Variants in TFF3 observed in about 807,000 individuals in gnomAD.
The protein encoded by TFF3 is polypeptide P1.B.
A neutral mutation model predicts 9.7 loss-of-function variants in TFF3; 6 were observed. The ratio of observed to expected loss-of-function variants is 0.62; its 90% confidence interval spans 0.34 to 1.22. TFF3 has a LOEUF of 1.22. TFF3 is among the 50% of genes most tolerant of loss of function. The probability of loss-of-function intolerance (pLI) is 0.04; values close to 1 mark genes in which losing one functional copy is unlikely to be tolerated. For synonymous variants in TFF3, 48 were observed against 41.4 expected (o/e 1.16, Z -0.61); for missense variants, 93 against 98.6 (o/e 0.94, Z 0.24).
In TFF3 at chr21:42,313,436, C is replaced by T. The variant is rs774302924; in HGVS notation, c.229+49G>A. The T allele has an allele frequency of 1.5e-5, 24 of 1,559,612 alleles. No homozygotes were observed. The East Asian group carries it at 5.4e-4, about 35-fold the overall frequency. ...GAAAGGACAGGGAGGCCCTGAGACC[C>T]CCTGCCTTATGGGGCTGGGCCCAGA... On this transcript the variant is annotated intron_variant, in intron 2 of 2. Coordinates refer to ENST00000518498, the MANE Select transcript of TFF3 (RefSeq NM_003226.4). This position sits in a 1 kb window ranked among gnomAD's most constrained non-coding sequence, Gnocchi z 4.0.
In TFF3 at chr21:42,313,472, A is replaced by C. The variant is rs1021026070; in HGVS notation, c.229+13T>G. 1 of 1,602,912 alleles carries C rather than the reference A, an allele frequency of 6.2e-7. No homozygotes were observed. The highest frequency in any genetic ancestry group is 1.3e-5 in the African/African-American group (1 of 74,370). ...GGGGCTGGGCCCAGACCACGATGCCACTGGGGCCTTACCTGCTTCCTGCAG... is the reference window on the plus strand; with the variant it reads ...GGGGCTGGGCCCAGACCACGATGCCCCTGGGGCCTTACCTGCTTCCTGCAG... On this transcript the variant is annotated intron_variant, in intron 2 of 2. Transcript: ENST00000518498. This position sits in a 1 kb window ranked among gnomAD's most constrained non-coding sequence, Gnocchi z 4.0.
Position 42,313,181 on chromosome 21 carries a change from C to T in TFF3, c.229+304G>A, listed in dbSNP as rs868069001. Among the ~76,000 whole-genome samples, 16 of 152,332 alleles carry T rather than the reference C, an allele frequency of 1.1e-4. No individual in the cohort carries two copies. The highest frequency in any genetic ancestry group is 6.2e-4 in the South Asian group (3 of 4,832). ...CAAAAGTCGGCCCGGCTTTCCACACCTATGCGTTTCCACTTCTCTCAAGAA... is the reference window on the plus strand; with the variant it reads ...CAAAAGTCGGCCCGGCTTTCCACACTTATGCGTTTCCACTTCTCTCAAGAA... On this transcript the variant is annotated intron_variant, in intron 2 of 2. Transcript: ENST00000518498. The surrounding 1 kb of genome is among the most constrained non-coding windows in gnomAD (Gnocchi z 4.0).
chr21:42,313,704 C>T lies in TFF3; in HGVS notation c.83-73G>A, dbSNP rs1569250885. ...CGGTGAGTGTGTTTGCTTCACTTTG[C>T]AAGTTTGCATCCTCCCGCTCCGCCC... On this transcript the variant is annotated intron_variant, in intron 1 of 2. Coordinates refer to ENST00000518498, the MANE Select transcript of TFF3 (RefSeq NM_003226.4). This position sits in a 1 kb window ranked among gnomAD's most constrained non-coding sequence, Gnocchi z 4.0. 2 of 1,510,604 alleles carry T rather than the reference C, an allele frequency of 1.3e-6. No homozygotes were observed. The highest frequency in any genetic ancestry group is 5.1e-5 in the East Asian group (2 of 39,216). 93.6% of individuals were successfully genotyped at this position (1,510,604 alleles called of 1,614,324 possible).
intron 1 of TFF3, among the ~76,000 whole-genome samples, chr21:42,314,163 A>T (rs952072323): frequency 1.3e-5 from 2 of 152,118 alleles, no homozygotes; most frequent in African/African-American, 4.8e-5. Flanking sequence ...CAATATTTTC[A>T]TGTTTCAGGC....
chr21:42,313,616 G>A lies in TFF3; in HGVS notation c.98C>T (p.Ala33Val), dbSNP rs753468919. The part of the protein sequence containing the change: ...EYVGLSANQC[A>V]VPAKDRVDCG... ...GTCCACCCTGTCCTTGGCTGGCACG[G>A]CACACTGGTTTGCAGCTGTCCCAGA... The change falls in exon 2 of 3, where the codon GCC becomes GTC. Residue 33 changes from alanine (A) to valine (V), a missense_variant. Coordinates refer to ENST00000518498, the MANE Select transcript of TFF3 (RefSeq NM_003226.4). This position sits in a 1 kb window ranked among gnomAD's most constrained non-coding sequence, Gnocchi z 4.0. The A allele has an allele frequency of 9.9e-6, 16 of 1,609,526 alleles. No individual in the cohort carries two copies. Among genetic ancestry groups the A allele is most frequent in the East Asian group, 2.2e-5 (1 of 44,658 alleles).
rs371207909 is a variant in TFF3 at position 42,312,352 on chromosome 21, G to T, written c.230-83C>A. 51 of 1,500,382 alleles carry T rather than the reference G, an allele frequency of 3.4e-5. 1 individual carries two copies. The highest frequency in any genetic ancestry group is 4.4e-5 in the Non-Finnish European group (49 of 1,119,858). The allele number at this position is 1,500,382 out of a possible 1,614,324, so 92.9% of individuals were successfully genotyped here. On this transcript the variant is annotated intron_variant, in intron 2 of 2. Coordinates refer to ENST00000518498, the MANE Select transcript of TFF3 (RefSeq NM_003226.4). Reference sequence around the variant, plus strand: ...TCCCAAGGTCAGGGCAGGCTCCAAGGCCAGCACCTAGTGCTGCCTCCTCCC... The same window carrying T: ...TCCCAAGGTCAGGGCAGGCTCCAAGTCCAGCACCTAGTGCTGCCTCCTCCC...
chr21:42,314,230 G>C (rs1247536617), intron 1 of TFF3, among the ~76,000 whole-genome samples: 1 of 152,218 alleles, frequency 6.6e-6, no homozygotes, highest in Non-Finnish European at 1.5e-5. Context: ...AACGAACTGA[G>C]TATTTCCTTA....
In TFF3 at chr21:42,313,525, G is replaced by A. The variant is rs72563146; in HGVS notation, c.189C>T (p.Ile63=). The change falls in exon 2 of 3, where the codon ATC becomes ATT. Residue 63 remains isoleucine (I), a synonymous_variant. Transcript: ENST00000518498. This position sits in a 1 kb window ranked among gnomAD's most constrained non-coding sequence, Gnocchi z 4.0. ...NNRGCCFDSR[I]PGVPWCFKPL... is the part of the protein sequence containing the mutation. ...GCTTGAAACACCAAGGCACTCCAGG[G>A]ATCCTGGAGTCAAAGCAGCAGCCCC... 1,188 of 1,610,162 alleles carry A rather than the reference G, an allele frequency of 7.4e-4. 10 individuals are homozygous for A. In the African/African-American group the frequency reaches 0.013, roughly 17 times the overall value.
intron 1 of TFF3, among the ~76,000 whole-genome samples, chr21:42,314,211 C>T (rs369692968): frequency 3.9e-5 from 6 of 152,330 alleles, no homozygotes; most frequent in Middle Eastern, 3.4e-3. Flanking sequence ...AAGTTCACTG[C>T]GTTTCATTAA....
Position 42,313,578 on chromosome 21 carries a change from G to A in TFF3, c.136C>T (p.His46Tyr), listed in dbSNP as rs776875229. The change falls in exon 2 of 3, where the codon CAT becomes TAT. Residue 46 changes from histidine (H) to tyrosine (Y), a missense_variant. By Grantham distance (83) the His-to-Tyr change is moderately conservative (BLOSUM62 2). Transcript: ENST00000518498. The surrounding 1 kb of genome is among the most constrained non-coding windows in gnomAD (Gnocchi z 4.0). Reference sequence around the variant, plus strand: ...TTGTTGCACTCCTTGGGGGTGACATGGGGGTAGCCGCAGTCCACCCTGTCC... The same window carrying A: ...TTGTTGCACTCCTTGGGGGTGACATAGGGGTAGCCGCAGTCCACCCTGTCC... The part of the protein sequence containing the change: ...AKDRVDCGYP[H>Y]VTPKECNNRG... 1 of 1,611,272 alleles carries A rather than the reference G, an allele frequency of 6.2e-7. No homozygotes were observed. Among genetic ancestry groups the A allele is most frequent in the East Asian group, 2.2e-5 (1 of 44,804 alleles).
Position 42,313,217 on chromosome 21 carries a change from A to G in TFF3, c.229+268T>C, listed in dbSNP as rs746324116. The stretch of plus-strand genomic sequence containing the variant: ...CACTTCTCTCAAGAATAGTTACTAA[A>G]TCAGTTCCCTCTATGCGATGCCATC... On this transcript the variant is annotated intron_variant, in intron 2 of 2. Coordinates refer to ENST00000518498, the MANE Select transcript of TFF3 (RefSeq NM_003226.4). The surrounding 1 kb of genome is among the most constrained non-coding windows in gnomAD (Gnocchi z 4.0). Among the ~76,000 whole-genome samples the G allele has an allele frequency of 9.9e-5, 15 of 152,154 alleles. No homozygotes were observed. The highest frequency in any genetic ancestry group is 1.8e-4 in the Non-Finnish European group (12 of 68,010).
chr21:42,312,020 C>A lies in TFF3; in HGVS notation c.*236G>T. The A allele has an allele frequency of 1.4e-6, 1 of 706,038 alleles. No homozygotes were observed. The allele number at this position is 706,038 out of a possible 1,614,324, so 43.7% of individuals were successfully genotyped here. On this transcript the variant is annotated 3_prime_UTR_variant, in exon 3 of 3. Transcript: ENST00000518498. ...GACACCCTCCCGCCCTCTCCCACGACGCAGCAGAAATAAAGCACAACCTCA... is the reference window on the plus strand; with the variant it reads ...GACACCCTCCCGCCCTCTCCCACGAAGCAGCAGAAATAAAGCACAACCTCA...
intron 1 of TFF3, among the ~76,000 whole-genome samples, chr21:42,315,046 C>G (rs2069350717): frequency 6.6e-6 from 1 of 152,204 alleles, no homozygotes; most frequent in Non-Finnish European, 1.5e-5. Flanking sequence ...GGGATGGGCT[C>G]AGGCTCAAAC....
rs1049687465 is a variant in TFF3 at position 42,313,901 on chromosome 21, A to G, written c.83-270T>C. On this transcript the variant is annotated intron_variant, in intron 1 of 2. Transcript: ENST00000518498. This position sits in a 1 kb window ranked among gnomAD's most constrained non-coding sequence, Gnocchi z 4.0. The stretch of plus-strand genomic sequence containing the variant: ...TTATCACCTTCTCGGGAAGTCACAT[A>G]CGGACCTGGGTACCTTCCAGCTGGC... 1.3e-5 allele frequency among the ~76,000 whole-genome samples: 2 copies of G among 152,126 alleles called. No homozygotes were observed. Among genetic ancestry groups the G allele is most frequent in the African/African-American group, 4.8e-5 (2 of 41,418 alleles).
rs2069332959 is a variant in TFF3 at position 42,311,958 on chromosome 21, C to G, written c.*298G>C. ...CATGCACTGCAGCTCCTTAGGGAGT[C>G]TTTTCCTGCCCTTGAGGCCTGGGCA... On this transcript the variant is annotated 3_prime_UTR_variant, in exon 3 of 3. Transcript: ENST00000518498. 1 of 614,362 alleles carries G rather than the reference C, an allele frequency of 1.6e-6. No homozygotes were observed. Among genetic ancestry groups the G allele is most frequent in the Non-Finnish European group, 2.9e-6 (1 of 340,296 alleles). The allele number at this position is 614,362 out of a possible 1,614,324, so 38.1% of individuals were successfully genotyped here.
intron 1 of TFF3, among the ~76,000 whole-genome samples, chr21:42,314,348 A>G (rs2069347256): frequency 6.6e-6 from 1 of 152,230 alleles, no homozygotes; most frequent in Non-Finnish European, 1.5e-5. Context: ...AATCAGCTGC[A>G]GAGCTTTAAA....
chr21:42,312,392 A>ACTCAACACTCCCCG, intron 2 of TFF3, 123 bp from the exon 3 acceptor site: 5 of 1,199,368 alleles, frequency 4.2e-6, no homozygotes, highest in Non-Finnish European at 5.8e-6. Flanking sequence ...GTCACCGGGG[A>ACTCAACACTCCCCG]GTGTTGAGTC....
rs1319009586 is a variant in TFF3 at position 42,313,665 on chromosome 21, C to T, written c.83-34G>A. On this transcript the variant is annotated intron_variant, in intron 1 of 2. Coordinates refer to ENST00000518498, the MANE Select transcript of TFF3 (RefSeq NM_003226.4). This position sits in a 1 kb window ranked among gnomAD's most constrained non-coding sequence, Gnocchi z 4.0. The stretch of plus-strand genomic sequence containing the variant: ...GACAAAGCCCTGTCAGCTGCCAGAG[C>T]CCTTGCTGGGCTGCGGTGAGTGTGT... The T allele has an allele frequency of 2.5e-6, 4 of 1,588,046 alleles. No homozygotes were observed. Among genetic ancestry groups the T allele is most frequent in the Non-Finnish European group, 2.6e-6 (3 of 1,166,840 alleles).
chr21:42,312,066 A>G lies in TFF3; in HGVS notation c.*190T>C. 1.3e-6 allele frequency: 1 copy of G among 792,302 alleles called. No homozygotes were observed. The allele number at this position is 792,302 out of a possible 1,614,324, so 49.1% of individuals were successfully genotyped here. ...CCTCAGAAAGTCTCAGGCACGAAGA[A>G]CTGTCCTCGGGTGGAGCATGGGACC... On this transcript the variant is annotated 3_prime_UTR_variant, in exon 3 of 3. Transcript: ENST00000518498.
Sources: gnomAD v4.1 joint callset for allele counts (sites outside exome capture counted in the v4.1 genomes callset) on GRCh38, gnomAD v4.1.1 for gene constraint, Gnocchi (gnomAD v3.1) non-coding constraint, MANE v1.5 for transcripts, NCBI Gene and HGNC (gene_info 2026-07-23, HGNC 2026-07-21) for gene names.